The following RBBP5 variants were observed in gnomAD, a reference collection of about 807,000 sequenced individuals.
RBBP5 encodes the protein retinoblastoma-binding protein 5.
A neutral mutation model predicts 72.2 loss-of-function variants in RBBP5; 5 were observed. The observed-to-expected ratio is 0.07, with a 90% CI of 0.04 to 0.15. RBBP5 has a LOEUF of 0.15. Ranked by LOEUF, RBBP5 falls within the 10% of genes least tolerant of loss-of-function variation. The pLI, the probability that RBBP5 is intolerant of heterozygous loss-of-function variation, is 1.00. For synonymous variants in RBBP5, 209 were observed against 237.2 expected (o/e 0.88, Z 1.09); for missense variants, 322 against 652.2 (o/e 0.49, Z 5.51).
intron 1 of RBBP5, among the ~76,000 whole-genome samples, chr1:205,119,273 T>C (rs1050688886): frequency 2.6e-5 from 4 of 152,058 alleles, no homozygotes; most frequent in East Asian, 1.9e-4. Context: ...TGGGTGCCTG[T>C]AATCCCAGCT....
rs59850066 is a variant in RBBP5 at position 205,100,696 on chromosome 1, TA to T, written c.633-426del. Reference sequence around the variant, plus strand: ...GAAAATCTTAGAAATCTGTATGAAATATTAGTTATTTCATCACTTTCTTGCA... The same window carrying T: ...GAAAATCTTAGAAATCTGTATGAAATTTAGTTATTTCATCACTTTCTTGCA... On this transcript the variant is annotated intron_variant, in intron 6 of 13. Coordinates refer to ENST00000264515, the MANE Select transcript of RBBP5 (RefSeq NM_005057.4). Among the ~76,000 whole-genome samples the T allele has an allele frequency of 4.2e-4, 64 of 152,330 alleles. No individual in the cohort carries two copies. In the East Asian group the frequency reaches 7.7e-3, roughly 18 times the overall value.
In RBBP5 at chr1:205,103,762, T is replaced by C; in HGVS notation, c.522+95A>G. The C allele has an allele frequency of 2.1e-6, 3 of 1,439,808 alleles. No individual in the cohort carries two copies. In the African/African-American group the frequency reaches 4.2e-5, roughly 20 times the overall value. 89.2% of individuals were successfully genotyped at this position (1,439,808 alleles called of 1,614,324 possible). A position where few individuals can be genotyped will look rare whatever the true frequency, so the allele number is the denominator to read the frequency against. ...TGCTGCAGAAAGGAGCTGTGCTTAG[T>C]CCAAGAATAAAAACAATTTTCAAAA... On this transcript the variant is annotated intron_variant, in intron 5 of 13. Transcript: ENST00000264515.
chr1:205,118,814 C>T (rs1192059797), intron 1 of RBBP5, among the ~76,000 whole-genome samples: 4 of 152,000 alleles, frequency 2.6e-5, no homozygotes, highest in African/African-American at 4.8e-5. Flanking sequence ...ATTATATCTC[C>T]GGTGCACACT....
chr1:205,111,990 CT>C (rs1281330970), intron 3 of RBBP5, among the ~76,000 whole-genome samples: 1 of 152,038 alleles, frequency 6.6e-6, no homozygotes, highest in Non-Finnish European at 1.5e-5. Flanking sequence ...TGGAATATAT[CT>C]GGCAACATCT....
In RBBP5 at chr1:205,120,779, T is replaced by TA. The variant is rs35836514; in HGVS notation, c.19+1075dup. ...CCTAGGCGACGGCGCGAGGCTGTCT[T>TA]AAAAAAAAAAAAAAAAGTCCACTTA... On this transcript the variant is annotated intron_variant, in intron 1 of 13. Transcript: ENST00000264515. 8.3e-3 allele frequency among the ~76,000 whole-genome samples: 1,138 copies of TA among 137,590 alleles called. 6 individuals are homozygous for TA. The highest frequency in any genetic ancestry group is 0.015 in the East Asian group (73 of 4,812). The allele number at this position is 137,590 out of a possible 152,430, so 90.3% of individuals were successfully genotyped here. A position where few individuals can be genotyped will look rare whatever the true frequency, so the allele number is the denominator to read the frequency against.
At chr1:205,098,131 G>A (rs976068214) in intron 10 of RBBP5, among the ~76,000 whole-genome samples, 3 of 151,934 alleles carry the variant, frequency 2.0e-5, no homozygotes, top group Non-Finnish European at 4.4e-5. Context: ...TGCTTATTAT[G>A]GCCTAGGCAT....
chr1:205,095,205 TA>T (rs1444135707), intron 12 of RBBP5, 141 bp from the exon 13 acceptor site: 14 of 839,110 alleles, frequency 1.7e-5, no homozygotes, highest in Non-Finnish European at 7.3e-6. Context: ...CTTATTTCTA[TA>T]AGTATAAAAC....
intron 3 of RBBP5, 139 bp downstream of exon 3, chr1:205,114,650 A>G: frequency 1.2e-6 from 1 of 839,430 alleles, no homozygotes; most frequent in East Asian, 2.9e-5. Flanking sequence ...CTCAGGATCT[A>G]CATAAACCAT....
In RBBP5 at chr1:205,086,365, TA is replaced by T. The variant is rs2151208246; in HGVS notation, c.*2421del. ...AATTCTCCTGCCTCAGCCTCCCGAG[TA>T]GCTAGGATTACAGGTGCCCGCCACC... On this transcript the variant is annotated 3_prime_UTR_variant, in exon 14 of 14. Transcript: ENST00000264515. 1 of 150,914 alleles carries T rather than the reference TA, an allele frequency of 6.6e-6. No individual in the cohort carries two copies. Among genetic ancestry groups the T allele is most frequent in the Non-Finnish European group, 1.5e-5 (1 of 67,974 alleles). The allele number at this position is 150,914 out of a possible 1,614,324, so 9.3% of individuals were successfully genotyped here. A position where few individuals can be genotyped will look rare whatever the true frequency, so the allele number is the denominator to read the frequency against.
intron 3 of RBBP5, 136 bp from the exon 4 acceptor site, chr1:205,105,304 C>T (rs1656011518): frequency 1.1e-6 from 1 of 922,528 alleles, no homozygotes; most frequent in Non-Finnish European, 1.6e-6. Context: ...CACGTATACT[C>T]AAATCCATAA....
intron 3 of RBBP5, 122 bp from the exon 4 acceptor site, chr1:205,105,290 G>C (rs1656010510): frequency 3.5e-6 from 4 of 1,153,190 alleles, no homozygotes; most frequent in Non-Finnish European, 4.8e-6. Context: ...TTTTGGTTTT[G>C]TTCCACGTAT....
chr1:205,098,349 A>G (rs1026475994), intron 10 of RBBP5, among the ~76,000 whole-genome samples: 4 of 152,198 alleles, frequency 2.6e-5, no homozygotes, highest in Non-Finnish European at 5.9e-5. Flanking sequence ...CACTCTTAGC[A>G]TGGTGAGTTC....
In RBBP5 at chr1:205,088,506, T is replaced by A. The variant is rs1408627824; in HGVS notation, c.*281A>T. 2 of 413,000 alleles carry A rather than the reference T, an allele frequency of 4.8e-6. No homozygotes were observed. The highest frequency in any genetic ancestry group is 8.6e-6 in the Non-Finnish European group (2 of 233,434). The allele number at this position is 413,000 out of a possible 1,614,324, so 25.6% of individuals were successfully genotyped here. ...AGTATCTTTTCTCCAGCAACATAAC[T>A]AAGCATCAAAGTTTAAATGAGTCAA... On this transcript the variant is annotated 3_prime_UTR_variant, in exon 14 of 14. Transcript: ENST00000264515.
At chr1:205,104,083 C>T (rs1655953268) in intron 4 of RBBP5, 64 bp from the exon 5 acceptor site, 4 of 1,553,092 alleles carry the variant, frequency 2.6e-6, no homozygotes, top group Non-Finnish European at 3.5e-6. Context: ...ATTCCCTGTC[C>T]TTTTCCCTGA....
At chr1:205,110,175 G>A (rs544089307) in intron 3 of RBBP5, among the ~76,000 whole-genome samples, 30 of 151,790 alleles carry the variant, frequency 2.0e-4, no homozygotes, top group African/African-American at 6.5e-4. Flanking sequence ...GCATGTCACC[G>A]CACCCAGCTA....
At chr1:205,089,855 T>G (rs1355283339) in intron 13 of RBBP5, among the ~76,000 whole-genome samples, 1 of 152,200 alleles carries the variant, frequency 6.6e-6, no homozygotes, top group East Asian at 1.9e-4. Context: ...TTATTTTATT[T>G]ATTTTTATTT....
chr1:205,095,073 CA>C lies in RBBP5; in HGVS notation c.1397-10del. 2.5e-6 allele frequency: 4 copies of C among 1,613,112 alleles called. No homozygotes were observed. The highest frequency in any genetic ancestry group is 3.4e-6 in the Non-Finnish European group (4 of 1,179,760). ...CAGTAGTGGATGGACTTCTGTAGGA[CA>C]GACAGGCATGGAAAGGAATCCACAT... is the stretch of plus-strand genomic sequence containing the variant. On this transcript the variant is annotated splice_polypyrimidine_tract_variant and intron_variant, in intron 12 of 13. Transcript: ENST00000264515.
At chr1:205,110,404 T>C (rs111355528) in intron 3 of RBBP5, among the ~76,000 whole-genome samples, 2,408 of 152,240 alleles carry the variant, frequency 0.016, 83 homozygotes, top group African/African-American at 0.055. Context: ...AAGTCAGCTA[T>C]CATGCCTACC....
Position 205,099,311 on chromosome 1 carries a change from C to G in RBBP5, c.979-205G>C, listed in dbSNP as rs1655733265. 6.6e-6 allele frequency among the ~76,000 whole-genome samples: 1 copy of G among 152,190 alleles called. No homozygotes were observed. Among genetic ancestry groups the G allele is most frequent in the Admixed American group, 6.5e-5 (1 of 15,276 alleles). On this transcript the variant is annotated intron_variant, in intron 9 of 13. Coordinates refer to ENST00000264515, the MANE Select transcript of RBBP5 (RefSeq NM_005057.4). The surrounding 1 kb of genome is among the most constrained non-coding windows in gnomAD (Gnocchi z 4.7). ...ACATTAAGATAAGCTAAGTTATTAA[C>G]TGTAGCTCTTTTGAATCACTGCCTT...
Sources: gnomAD v4.1 joint callset for allele counts (sites outside exome capture counted in the v4.1 genomes callset) on GRCh38, gnomAD v4.1.1 for gene constraint, Gnocchi (gnomAD v3.1) non-coding constraint, MANE v1.5 for transcripts, NCBI Gene and HGNC (gene_info 2026-07-23, HGNC 2026-07-21) for gene names.